PVALB: variants seen among roughly 807,000 people sequenced by gnomAD.
PVALB encodes the protein parvalbumin alpha.
A neutral mutation model predicts 10.9 loss-of-function variants in PVALB; 11 were observed. The observed-to-expected ratio is 1.01, with a 90% CI of 0.63 to 1.67. The LOEUF (loss-of-function observed/expected upper bound fraction) is 1.67. PVALB is among the 40% of genes most tolerant of loss of function. PVALB has a pLI of 0.00. For synonymous variants in PVALB, 57 were observed against 50.7 expected (o/e 1.12, Z -0.53); for missense variants, 131 against 136.2 (o/e 0.96, Z 0.19).
chr22:36,802,623 A>AAAAAAAAAG (rs1555910493), intron 3 of PVALB, among the ~76,000 whole-genome samples: 8 of 119,118 alleles, frequency 6.7e-5, no homozygotes, highest in African/African-American at 2.3e-4. Context: ...AAAAAAAAAA[A>AAAAAAAAAG]AAAGAAAGAA....
At chr22:36,819,321 C>G (rs1460551269), upstream of PVALB, 1 of 152,508 alleles carries the variant, frequency 6.6e-6, no homozygotes, top group Non-Finnish European at 1.5e-5. Flanking sequence ...AGCACCCCCA[C>G]CGCACCCCCC....
chr22:36,808,104 C>A (rs1358664070), intron 3 of PVALB, among the ~76,000 whole-genome samples: 1 of 152,216 alleles, frequency 6.6e-6, no homozygotes, highest in African/African-American at 2.4e-5. Context: ...ACGGGGCATG[C>A]GGATCTTCTC....
Position 36,814,280 on chromosome 22 carries a change from T to TGA in PVALB, c.195-526_195-525insTC, listed in dbSNP as rs1266025076. The stretch of plus-strand genomic sequence containing the variant: ...GTCAGCCTCTGTGAGTGTGTGTGTG[T>TGA]GTGTGTGTGTGTGTGTGTGTGTGTG... On this transcript the variant is annotated intron_variant, in intron 2 of 3. Coordinates refer to ENST00000417718, the MANE Select transcript of PVALB (RefSeq NM_001315532.2). 4.4e-5 allele frequency among the ~76,000 whole-genome samples: 6 copies of TGA among 137,320 alleles called. No individual in the cohort carries two copies. In the East Asian group the frequency reaches 1.3e-3, roughly 30 times the overall value. The allele number at this position is 137,320 out of a possible 152,430, so 90.1% of individuals were successfully genotyped here. A position where few individuals can be genotyped will look rare whatever the true frequency, so the allele number is the denominator to read the frequency against.
At chr22:36,817,134 G>T (rs978092518), upstream of PVALB, 6 of 820,506 alleles carry the variant, frequency 7.3e-6, no homozygotes, top group Non-Finnish European at 7.2e-6. Flanking sequence ...CTGGCATGGC[G>T]CCAGGGGCCC....
chr22:36,813,918 C>T (rs77971563), intron 2 of PVALB, among the ~76,000 whole-genome samples, 163 bp from the exon 3 acceptor site: 2 of 152,200 alleles, frequency 1.3e-5, no homozygotes, highest in East Asian at 1.9e-4. Flanking sequence ...GTAGCCTGCT[C>T]GGTGGCTGTG....
chr22:36,813,981 T>G (rs1294347536), intron 2 of PVALB, among the ~76,000 whole-genome samples: 3 of 152,154 alleles, frequency 2.0e-5, no homozygotes, highest in African/African-American at 7.2e-5. Flanking sequence ...TGAAGGGTTG[T>G]CCTCACTTCA....
At chr22:36,813,599 AC>A (rs753277102) in intron 3 of PVALB, 46 bp downstream of exon 3, 50 of 1,488,742 alleles carry the variant, frequency 3.4e-5, no homozygotes, top group Non-Finnish European at 4.6e-5. Context: ...CGCATCCAAC[AC>A]CCCAAGATCC....
chr22:36,818,135 C>A (rs79237765), upstream of PVALB, among the ~76,000 whole-genome samples: 13,029 of 152,076 alleles, frequency 0.086, 605 homozygotes, highest in Non-Finnish European at 0.094. Flanking sequence ...GTTCTAGATC[C>A]TGGGCTGCAC....
chr22:36,815,299 G>A lies in PVALB; in HGVS notation c.62-64C>T, dbSNP rs918556209. On this transcript the variant is annotated intron_variant, in intron 1 of 3. Transcript: ENST00000417718. ...GGCTGGTAGGGAAGCCTGGGAGAATGGGGGGCATCAAGGCATTTGTTGATG... is the reference window on the plus strand; with the variant it reads ...GGCTGGTAGGGAAGCCTGGGAGAATAGGGGGCATCAAGGCATTTGTTGATG... 7 of 1,593,042 alleles carry A rather than the reference G, an allele frequency of 4.4e-6. No individual in the cohort carries two copies. The African/African-American group carries it at 6.7e-5, about 15-fold the overall frequency.
At chr22:36,801,279 C>T (rs900728105) in intron 3 of PVALB, among the ~76,000 whole-genome samples, 16 of 152,210 alleles carry the variant, frequency 1.1e-4, no homozygotes, top group Non-Finnish European at 2.2e-4. Flanking sequence ...TTATTTGACT[C>T]TGACAATAGT....
chr22:36,816,988 C>T lies in PVALB; in HGVS notation c.18G>A (p.Leu6=). ...CCTTCTTGATGTCCTCAGCGTTCAG[C>T]AAGTCTGTCATCGACATCCTGCAAC... MSMTD[L]LNAEDIKKAV... is the part of the protein sequence containing the mutation. Residue 6 remains leucine (L), a synonymous_variant, in exon 1 of 4, where the codon TTG becomes TTA. Coordinates refer to ENST00000417718, the MANE Select transcript of PVALB (RefSeq NM_001315532.2). 6.2e-7 allele frequency: 1 copy of T among 1,609,630 alleles called. No individual in the cohort carries two copies. Among genetic ancestry groups the T allele is most frequent in the East Asian group, 2.2e-5 (1 of 44,518 alleles).
At chr22:36,817,236 C>T (rs1939158753), upstream of PVALB, 1 of 351,434 alleles carries the variant, frequency 2.8e-6, no homozygotes, top group African/African-American at 2.1e-5. Context: ...TGCTACCACT[C>T]CTGCACCGCC....
intron 3 of PVALB, among the ~76,000 whole-genome samples, chr22:36,810,849 C>G (rs1470231312): frequency 6.6e-6 from 1 of 152,262 alleles, no homozygotes; most frequent in East Asian, 1.9e-4. Context: ...CCCACTCCCT[C>G]TGTCCCCTAC....
rs202076054 is a variant in PVALB, at chr22:36,815,097, G to A, written c.194+6C>T. On this transcript the variant is annotated splice_donor_region_variant and intron_variant, in intron 2 of 3. Transcript: ENST00000417718. ...GGCTGGGCAGCCCCTGCAGGCCTCC[G>A]CTTACCCCAGCTCATCCTCCTCGAT... 11 of 1,613,704 alleles carry A rather than the reference G, an allele frequency of 6.8e-6. No homozygotes were observed. Among genetic ancestry groups the A allele is most frequent in the East Asian group, 4.5e-5 (2 of 44,862 alleles).
At chr22:36,819,238 C>A (rs116883007), upstream of PVALB, among the ~76,000 whole-genome samples, 399 of 152,278 alleles carry the variant, frequency 2.6e-3, 7 homozygotes, top group East Asian at 0.048. Context: ...TTGCCCCAGG[C>A]CACACCAGGA....
At chr22:36,802,617 A>AG (rs1569089612) in intron 3 of PVALB, among the ~76,000 whole-genome samples, 1 of 150,314 alleles carries the variant, frequency 6.7e-6, no homozygotes, top group African/African-American at 2.5e-5. Flanking sequence ...AAAAAAAAAA[A>AG]AAAAAAAAAG....
Position 36,800,942 on chromosome 22 carries a change from A to G in PVALB, c.305-24T>C, listed in dbSNP as rs78079590. ...TTCTGCAGAACAAAATGACAAGGAA[A>G]GTGAGTCAGAGGCGGGGATGCAAGA... On this transcript the variant is annotated intron_variant, in intron 3 of 3. Transcript: ENST00000417718. 5,791 of 1,604,190 alleles carry G rather than the reference A, an allele frequency of 3.6e-3. 177 individuals are homozygous for G. In the African/African-American group the frequency reaches 0.065, roughly 18 times the overall value.
chr22:36,809,106 G>A (rs56101455), intron 3 of PVALB, among the ~76,000 whole-genome samples: 51,389 of 152,070 alleles, frequency 0.34, 9,492 homozygotes, highest in Non-Finnish European at 0.43. Context: ...GAGCAGGGAA[G>A]AGAGGCAGTC....
At chr22:36,817,105 G>T (rs1005696727), upstream of PVALB, 8 of 1,159,154 alleles carry the variant, frequency 6.9e-6, no homozygotes, top group African/African-American at 1.1e-4. Context: ...GCTGCGCGCC[G>T]GGCGCACGCC....
Sources: gnomAD v4.1 joint callset for allele counts (sites outside exome capture counted in the v4.1 genomes callset) on GRCh38, gnomAD v4.1.1 for gene constraint, MANE v1.5 for transcripts, NCBI Gene and HGNC (gene_info 2026-07-23, HGNC 2026-07-21) for gene names.